Variants in PCDHA5 observed in about 807,000 individuals in gnomAD.
PCDHA5 encodes the protein protocadherin alpha-5.
Under a neutral mutation model 61.6 loss-of-function variants are expected in PCDHA5, and 43 were observed. The observed-to-expected ratio is 0.70, with a 90% CI of 0.55 to 0.90. The LOEUF is 0.90. Among genes scored for constraint, PCDHA5 ranks in the 40% least tolerant of loss-of-function variants. The pLI, the probability that PCDHA5 is intolerant of heterozygous loss-of-function variation, is 0.00. For missense variants in PCDHA5, 1,298 were observed against 1,222.7 expected (o/e 1.06, Z -0.92); for synonymous variants, 627 against 543.9 (o/e 1.15, Z -2.13).
chr5:140,884,445 C>G, intron 1 of PCDHA5: 1 of 1,613,802 alleles, frequency 6.2e-7, no homozygotes, highest in Non-Finnish European at 8.5e-7. Flanking sequence ...TGCTCGGCAC[C>G]GCCCACCGAG....
chr5:140,855,025 A>G (rs2043311699), intron 1 of PCDHA5, among the ~76,000 whole-genome samples: 1 of 149,914 alleles, frequency 6.7e-6, no homozygotes. Context: ...AACTTCTTGT[A>G]TAAAGGATTT....
intron 1 of PCDHA5, chr5:140,884,155 C>A (rs781815602): frequency 1.2e-6 from 2 of 1,613,430 alleles, no homozygotes; most frequent in Non-Finnish European, 1.7e-6. Flanking sequence ...TGTACACTGG[C>A]GAGATCAGCA....
intron 1 of PCDHA5, chr5:140,876,137 T>G (rs782331817): frequency 1.2e-6 from 2 of 1,613,916 alleles, no homozygotes; most frequent in Non-Finnish European, 8.5e-7. Context: ...AAACCAGAAC[T>G]AACAGGGTCT....
intron 1 of PCDHA5, among the ~76,000 whole-genome samples, chr5:140,921,440 G>A (rs1026829665): frequency 6.6e-6 from 1 of 152,056 alleles, no homozygotes; most frequent in Non-Finnish European, 1.5e-5. Flanking sequence ...CTTCAATGGT[G>A]TCTGAAAAGG....
intron 1 of PCDHA5, among the ~76,000 whole-genome samples, chr5:140,898,151 CT>C (rs2066567806): frequency 6.6e-6 from 1 of 152,158 alleles, no homozygotes; most frequent in Admixed American, 6.5e-5. Context: ...CCTGTTCACG[CT>C]GATGGTGGTT....
intron 1 of PCDHA5, among the ~76,000 whole-genome samples, chr5:140,888,250 G>A (rs2061753546): frequency 6.6e-6 from 1 of 152,128 alleles, no homozygotes; most frequent in African/African-American, 2.4e-5. Flanking sequence ...CTTTAAAGCA[G>A]TAGTTCTTGA....
At chr5:140,849,641 C>T (rs2150443548) in intron 1 of PCDHA5, 8 of 1,598,742 alleles carry the variant, frequency 5.0e-6, no homozygotes, top group East Asian at 2.2e-5. Flanking sequence ...CAGATGCCAA[C>T]GGGCAGGTTA....
In PCDHA5 at chr5:140,966,999, G is replaced by A. The variant is rs782081862; in HGVS notation, c.2353-11950G>A. 115 of 1,604,458 alleles carry A rather than the reference G, an allele frequency of 7.2e-5. No homozygotes were observed. The highest frequency in any genetic ancestry group is 8.8e-5 in the Non-Finnish European group (104 of 1,177,324). ...CGGCGCTTGGGGCCGGGTTGCTTGC[G>A]CATCAACCATCTGGGTGCGCCCAGT... On this transcript the variant is annotated intron_variant, in intron 1 of 3. Transcript: ENST00000529859.
chr5:140,828,073 A>G, intron 1 of PCDHA5: 1 of 1,567,184 alleles, frequency 6.4e-7, no homozygotes, highest in East Asian at 2.2e-5. Context: ...TAATGGAAAT[A>G]AAACCAGAGG....
chr5:140,904,098 A>G (rs184234910), intron 1 of PCDHA5, among the ~76,000 whole-genome samples: 35 of 152,296 alleles, frequency 2.3e-4, no homozygotes, highest in African/African-American at 7.9e-4. Context: ...TAACTACTTT[A>G]GTGGTCATTG....
chr5:141,000,395 C>CTCTA (rs1213762225), intron 3 of PCDHA5, among the ~76,000 whole-genome samples: 16 of 53,972 alleles, frequency 3.0e-4, no homozygotes, highest in East Asian at 6.1e-4. Context: ...CTCTCTCTCT[C>CTCTA]TATATATATA....
intron 3 of PCDHA5, among the ~76,000 whole-genome samples, chr5:140,993,129 G>A (rs1216210971): frequency 6.6e-6 from 1 of 152,160 alleles, no homozygotes; most frequent in Non-Finnish European, 1.5e-5. Flanking sequence ...ATTTCCTTCT[G>A]TTGCAACAAG....
intron 3 of PCDHA5, among the ~76,000 whole-genome samples, chr5:141,004,025 A>G (rs191768123): frequency 1.3e-5 from 2 of 152,316 alleles, no homozygotes; most frequent in Non-Finnish European, 2.9e-5. Context: ...AAGAAGAAAC[A>G]TTTCCTTGAT....
At chr5:140,896,517 A>G (rs1300184594) in intron 1 of PCDHA5, among the ~76,000 whole-genome samples, 1 of 149,680 alleles carries the variant, frequency 6.7e-6, no homozygotes, top group African/African-American at 2.5e-5. Flanking sequence ...GGCACACACC[A>G]CAAAGCCCAG....
chr5:140,931,175 G>A (rs1321525314), intron 1 of PCDHA5, among the ~76,000 whole-genome samples: 2 of 152,138 alleles, frequency 1.3e-5, no homozygotes, highest in Non-Finnish European at 2.9e-5. Flanking sequence ...TAATTTTAGG[G>A]AAGGAAATTG....
At chr5:140,948,321 T>C (rs922752818) in intron 1 of PCDHA5, among the ~76,000 whole-genome samples, 7 of 151,748 alleles carry the variant, frequency 4.6e-5, no homozygotes, top group South Asian at 4.1e-4. Flanking sequence ...AGGGGTAATG[T>C]TTTCATTAGG....
At chr5:140,824,231 C>G (rs2150133330) in intron 1 of PCDHA5, 104 bp downstream of exon 1, 1 of 1,533,044 alleles carries the variant, frequency 6.5e-7, no homozygotes, top group East Asian at 2.2e-5. Flanking sequence ...TCTTAGTACA[C>G]AAATATTGTG....
chr5:140,917,327 GGGA>G (rs1563018681), intron 1 of PCDHA5, among the ~76,000 whole-genome samples: 5 of 149,526 alleles, frequency 3.3e-5, no homozygotes, highest in Admixed American at 6.6e-5. Context: ...CATGTGGCGG[GGGA>G]GGGGGGGGAT....
rs374659815 is a variant in PCDHA5 at position 140,871,353 on chromosome 5, G to A, written c.2352+47226G>A. 3.6e-5 allele frequency: 58 copies of A among 1,614,214 alleles called. No homozygotes were observed. The African/African-American group carries it at 5.1e-4, about 14-fold the overall frequency. ...GCGCGGTGGGGAGCTGGTCATACTC[G>A]CAGCAGAGGCGGCAGAGGGTGTGCT... On this transcript the variant is annotated intron_variant, in intron 1 of 3. Coordinates refer to ENST00000529859, the MANE Select transcript of PCDHA5 (RefSeq NM_018908.3).
Sources: allele counts gnomAD v4.1 joint callset (sites outside exome capture counted in the v4.1 genomes callset), GRCh38; gene constraint gnomAD v4.1.1; transcripts MANE v1.5; gene names NCBI Gene and HGNC (gene_info 2026-07-23, HGNC 2026-07-21).